Variants in KCTD5 observed in about 807,000 individuals in gnomAD.
KCTD5 encodes potassium channel tetramerization domain containing 5.
In KCTD5, 12 loss-of-function variants were observed where a neutral mutation model predicts 27.9. That is an observed-to-expected ratio of 0.43 (90% confidence interval 0.28 to 0.70). The LOEUF (loss-of-function observed/expected upper bound fraction) is 0.70. KCTD5 is among the 30% of genes least tolerant of loss of function. The pLI is 0.19. For synonymous variants in KCTD5, 147 were observed against 121.4 expected (o/e 1.21, Z -1.39); for missense variants, 226 against 274.8 (o/e 0.82, Z 1.26).
intron 3 of KCTD5, among the ~76,000 whole-genome samples, chr16:2,698,682 G>A (rs1030208695): frequency 6.6e-6 from 1 of 151,410 alleles, no homozygotes; most frequent in Non-Finnish European, 1.5e-5. Flanking sequence ...CAGAAGTCTC[G>A]GTCCACGTAG....
At chr16:2,698,881 C>T (rs1309388297) in intron 3 of KCTD5, among the ~76,000 whole-genome samples, 1 of 152,186 alleles carries the variant, frequency 6.6e-6, no homozygotes, top group African/African-American at 2.4e-5. Flanking sequence ...GCTTTTTTCC[C>T]TGTTGTGTGA....
chr16:2,701,172 C>T (rs3112728), intron 4 of KCTD5, among the ~76,000 whole-genome samples: 41,268 of 152,212 alleles, frequency 0.27, 6,243 homozygotes, highest in Non-Finnish European at 0.32. Context: ...ACCTGCCTCC[C>T]GGGGCAGCTT....
chr16:2,707,525 T>C lies in KCTD5; in HGVS notation c.*198T>C, dbSNP rs76498482. The C allele has an allele frequency of 1.4e-6, 1 of 695,686 alleles. No homozygotes were observed. Among genetic ancestry groups the C allele is most frequent in the African/African-American group, 1.8e-5 (1 of 56,376 alleles). The allele number at this position is 695,686 out of a possible 1,614,324, so 43.1% of individuals were successfully genotyped here. A position where few individuals can be genotyped will look rare whatever the true frequency, so the allele number is the denominator to read the frequency against. On this transcript the variant is annotated 3_prime_UTR_variant, in exon 6 of 6. Transcript: ENST00000301738. ...TGTCCAAGGCCAGACGTCCCCAAGT[T>C]GGGGGAGCACGGCGGCCGGGTGGGC...
At chr16:2,690,270 C>T (rs1244454453) in intron 1 of KCTD5, among the ~76,000 whole-genome samples, 4 of 152,232 alleles carry the variant, frequency 2.6e-5, no homozygotes, top group East Asian at 1.9e-4. Flanking sequence ...TGCCCTGGCT[C>T]GGCGCTGTCT....
intron 1 of KCTD5, among the ~76,000 whole-genome samples, chr16:2,688,485 A>G (rs574404755): frequency 1.3e-5 from 2 of 152,026 alleles, no homozygotes; most frequent in Non-Finnish European, 2.9e-5. Flanking sequence ...TCCTGACCTC[A>G]GGTCATCCGC....
intron 3 of KCTD5, among the ~76,000 whole-genome samples, chr16:2,698,404 C>T (rs1034188558): frequency 3.9e-5 from 6 of 152,312 alleles, no homozygotes; most frequent in African/African-American, 4.8e-5. Flanking sequence ...TGTGGGTCTG[C>T]GCAGGCGCCA....
chr16:2,702,588 C>G (rs1037604996), intron 5 of KCTD5, 110 bp downstream of exon 5: 2 of 1,409,946 alleles, frequency 1.4e-6, no homozygotes, highest in Non-Finnish European at 1.9e-6. Context: ...GGTGTCCGCC[C>G]CTGGTGGCCT....
In KCTD5 at chr16:2,707,731, G is replaced by C; in HGVS notation, c.*404G>C. The C allele has an allele frequency of 2.2e-6, 1 of 464,766 alleles. No homozygotes were observed. The allele number at this position is 464,766 out of a possible 1,614,324, so 28.8% of individuals were successfully genotyped here. ...AGGAAGCGGCCGCAGCCGCGTCAGTGTCCAGCACGTCGTGGCCTCTGGTCC... is the reference window on the plus strand; with the variant it reads ...AGGAAGCGGCCGCAGCCGCGTCAGTCTCCAGCACGTCGTGGCCTCTGGTCC... On this transcript the variant is annotated 3_prime_UTR_variant, in exon 6 of 6. Transcript: ENST00000301738.
chr16:2,691,666 GGCGGCGGGGGTGTGGA>G (rs2067567318), intron 1 of KCTD5, among the ~76,000 whole-genome samples: 1 of 152,214 alleles, frequency 6.6e-6, no homozygotes, highest in African/African-American at 2.4e-5. Context: ...GAGGCACTGG[GGCGGCGGGGGTGTGGA>G]GCGGCTGGCA....
At chr16:2,706,948 G>A (rs564559421) in intron 5 of KCTD5, among the ~76,000 whole-genome samples, 6 of 152,054 alleles carry the variant, frequency 3.9e-5, no homozygotes, top group South Asian at 2.1e-4. Flanking sequence ...GACTTAATTG[G>A]GGAGGGGGGA....
At chr16:2,688,237 ATATATATATTTATT>A (rs1174057954) in intron 1 of KCTD5, among the ~76,000 whole-genome samples, 34 of 121,196 alleles carry the variant, frequency 2.8e-4, no homozygotes, top group Admixed American at 5.4e-4. Flanking sequence ...AAATATATAT[ATATATATATTTATT>A]TATTTATTTA....
intron 1 of KCTD5, among the ~76,000 whole-genome samples, chr16:2,687,744 C>CT: frequency 6.6e-6 from 1 of 152,266 alleles, no homozygotes; most frequent in Non-Finnish European, 1.5e-5. Context: ...TTTAGCAGCC[C>CT]CCCTCCACGC....
intron 1 of KCTD5, chr16:2,684,648 C>T (rs1313107681): frequency 6.6e-6 from 1 of 152,116 alleles, no homozygotes; most frequent in Non-Finnish European, 1.5e-5. Context: ...ACCTGTAGTC[C>T]CAGCTACTAG....
chr16:2,698,694 G>C (rs1209627583), intron 3 of KCTD5, among the ~76,000 whole-genome samples: 17 of 151,974 alleles, frequency 1.1e-4, no homozygotes. Context: ...TCCACGTAGA[G>C]CCCTGGGCCC....
Position 2,699,915 on chromosome 16 carries a change from A to G in KCTD5, c.548A>G (p.Gln183Arg). The G allele has an allele frequency of 6.2e-7, 1 of 1,613,660 alleles. No individual in the cohort carries two copies. The highest frequency in any genetic ancestry group is 8.5e-7 in the Non-Finnish European group (1 of 1,179,852). ...ATGTCCGACGGCTGGAAGTTCGAGC[A>G]GGTGAGGGGCCCTGGCCAGCCTGGT... ...STMSDGWKFE[Q>R]LVSIGSSYNY... Residue 183 changes from glutamine to arginine, a missense_variant and splice_region_variant, in exon 4 of 6, where the codon CAG becomes CGG. Gln to Arg is a conservative substitution (Grantham distance 43). This residue lies in a region of KCTD5 where 135 missense variants were observed against 207.0 expected (regional missense o/e 0.65). Transcript: ENST00000301738.
At chr16:2,691,096 A>G (rs1006367467) in intron 1 of KCTD5, among the ~76,000 whole-genome samples, 1 of 152,176 alleles carries the variant, frequency 6.6e-6, no homozygotes, top group Non-Finnish European at 1.5e-5. Flanking sequence ...GACCCTGCCT[A>G]CATGCTTGGA....
chr16:2,697,731 T>G (rs1026113107), intron 2 of KCTD5, among the ~76,000 whole-genome samples, 175 bp from the exon 3 acceptor site: 2 of 152,224 alleles, frequency 1.3e-5, no homozygotes, highest in Non-Finnish European at 2.9e-5. Context: ...CCAGGAGCCC[T>G]GCTGGGCTGA....
intron 2 of KCTD5, 88 bp from the exon 3 acceptor site, chr16:2,697,818 G>C: frequency 2.2e-6 from 2 of 919,760 alleles, no homozygotes; most frequent in East Asian, 4.9e-5. Flanking sequence ...CATTGCAGGG[G>C]CAGGGGCAAG....
chr16:2,693,020 G>T (rs1288374798), intron 1 of KCTD5, among the ~76,000 whole-genome samples: 1 of 152,236 alleles, frequency 6.6e-6, no homozygotes, highest in Admixed American at 6.5e-5. Context: ...CAGGGCTGCA[G>T]CCCCAGGCAG....
Sources: gnomAD v4.1 joint callset for allele counts (sites outside exome capture counted in the v4.1 genomes callset) on GRCh38, gnomAD v4.1.1 for gene constraint, gnomAD v4.1.1 regional missense constraint, MANE v1.5 for transcripts, NCBI Gene and HGNC (gene_info 2026-07-23, HGNC 2026-07-21) for gene names.